The following GIGYF2 variants were observed in gnomAD, a reference collection of about 807,000 sequenced individuals.
GIGYF2 encodes GRB10-interacting GYF protein 2.
A neutral mutation model predicts 208.1 loss-of-function variants in GIGYF2; 25 were observed. The observed-to-expected ratio is 0.12, with a 90% CI of 0.09 to 0.17. GIGYF2 has a LOEUF of 0.17. Among genes scored for constraint, GIGYF2 ranks in the 10% least tolerant of loss-of-function variants. The pLI is 1.00. For missense variants in GIGYF2, 1,302 were observed against 1,579.4 expected (o/e 0.82, Z 2.98); for synonymous variants, 534 against 543.8 (o/e 0.98, Z 0.25).
chr2:232,843,181 G>GTGTATGTA (rs1553538114), intron 23 of GIGYF2: 1 of 146,390 alleles, frequency 6.8e-6, no homozygotes, highest in African/African-American at 2.5e-5. Context: ...GTGTGTGTGT[G>GTGTATGTA]TATAATCTGT....
intron 21 of GIGYF2, among the ~76,000 whole-genome samples, chr2:232,821,778 C>T (rs186807772): frequency 3.3e-5 from 5 of 151,744 alleles, no homozygotes; most frequent in African/African-American, 1.2e-4. Context: ...TAAAATATCT[C>T]CTGTATTTTT....
chr2:232,779,296 A>G (rs1423823146), intron 8 of GIGYF2, among the ~76,000 whole-genome samples: 1 of 152,222 alleles, frequency 6.6e-6, no homozygotes, highest in Non-Finnish European at 1.5e-5. Context: ...TAATGATTAA[A>G]TTAAACAAGG....
intron 8 of GIGYF2, among the ~76,000 whole-genome samples, chr2:232,761,847 CT>C (rs775990180): frequency 0.013 from 1,864 of 138,430 alleles, 41 homozygotes; most frequent in African/African-American, 0.044. Context: ...CTGTATAGTC[CT>C]TTTTTTTTTT....
Position 232,767,874 on chromosome 2 carries a change from T to G in GIGYF2, c.532+6438T>G. 9.1e-6 allele frequency: 3 copies of G among 329,940 alleles called. No individual in the cohort carries two copies. In the South Asian group the frequency reaches 9.3e-5, roughly 10 times the overall value. 20.4% of individuals were successfully genotyped at this position (329,940 alleles called of 1,614,324 possible). A position where few individuals can be genotyped will look rare whatever the true frequency, so the allele number is the denominator to read the frequency against. ...TTGATTTTCTTAGAGTTCAGTTGTGTTAAACTTCACTGTCCATTTTGCCTT... is the reference window on the plus strand; with the variant it reads ...TTGATTTTCTTAGAGTTCAGTTGTGGTAAACTTCACTGTCCATTTTGCCTT... On this transcript the variant is annotated intron_variant, in intron 8 of 28. Transcript: ENST00000373563.
At chr2:232,786,333 G>A (rs1699907030) in intron 8 of GIGYF2, among the ~76,000 whole-genome samples, 1 of 152,164 alleles carries the variant, frequency 6.6e-6, no homozygotes, top group African/African-American at 2.4e-5. Flanking sequence ...CGCCTCCTGG[G>A]TTCAAGCCAT....
intron 8 of GIGYF2, among the ~76,000 whole-genome samples, chr2:232,762,999 A>G (rs989999898): frequency 3.9e-5 from 6 of 152,042 alleles, no homozygotes; most frequent in Non-Finnish European, 8.8e-5. Flanking sequence ...TCTCTAGCCC[A>G]GGTGACAGAG....
chr2:232,826,104 T>C (rs1294853021), intron 21 of GIGYF2, among the ~76,000 whole-genome samples: 3 of 152,198 alleles, frequency 2.0e-5, no homozygotes, highest in Non-Finnish European at 2.9e-5. Flanking sequence ...CAGTCTATCA[T>C]TGATGGACAT....
rs562100861 is a variant in GIGYF2 at position 232,775,682 on chromosome 2, C to A, written c.533-11468C>A. On this transcript the variant is annotated intron_variant, in intron 8 of 28. Coordinates refer to ENST00000373563, the MANE Select transcript of GIGYF2 (RefSeq NM_001103146.3). ...GGCAGCTTCACTGATCATCAGAATT[C>A]ATTCTACTCATTGGGTTGTAGCACT... is the stretch of plus-strand genomic sequence containing the variant. Among the ~76,000 whole-genome samples the A allele has an allele frequency of 4.9e-4, 74 of 152,284 alleles. No homozygotes were observed. In the South Asian group the frequency reaches 6.8e-3, roughly 14 times the overall value.
At chr2:232,837,955 A>G (rs1402337837) in intron 22 of GIGYF2, among the ~76,000 whole-genome samples, 1 of 152,198 alleles carries the variant, frequency 6.6e-6, no homozygotes, top group East Asian at 1.9e-4. Context: ...GACATTAGGC[A>G]TTCGGGGGTC....
At position 232,847,403 on chromosome 2, in the gene GIGYF2, T is replaced by G. The variant is rs1178605837; in HGVS notation, c.3516T>G (p.Asp1172Glu). 6.2e-7 allele frequency: 1 copy of G among 1,613,112 alleles called. No individual in the cohort carries two copies. The highest frequency in any genetic ancestry group is 1.3e-5 in the African/African-American group (1 of 74,998). Reference protein sequence around the residue: ...KEVESPYEVHDYIRAYLGDTS... With the variant: ...KEVESPYEVHEYIRAYLGDTS... ...TAGAATCTCCTTATGAGGTCCATGA[T>G]TATATCAGGGCCTATTTAGGAGATA... The change falls in exon 27 of 29, where the codon GAT (aspartate) becomes GAG (glutamate). Residue 1172 changes from aspartate to glutamate, a missense_variant. Around this residue, in one of 8 missense-constraint regions of GIGYF2, gnomAD observed 701 missense variants for 793.0 expected, o/e 0.88. Coordinates refer to ENST00000373563, the MANE Select transcript of GIGYF2 (RefSeq NM_001103146.3).
At chr2:232,842,129 C>T (rs1327345141) in intron 23 of GIGYF2, among the ~76,000 whole-genome samples, 1 of 152,148 alleles carries the variant, frequency 6.6e-6, no homozygotes, top group African/African-American at 2.4e-5. Context: ...CATGGGCCAC[C>T]ACGCCCTACC....
At chr2:232,789,627 C>T (rs564107725) in intron 9 of GIGYF2, among the ~76,000 whole-genome samples, 1 of 151,838 alleles carries the variant, frequency 6.6e-6, no homozygotes, top group South Asian at 2.1e-4. Flanking sequence ...AACGTTTTGC[C>T]CTTTGTTTTC....
chr2:232,797,526 T>TGTGTGTGTG (rs1553614943), intron 14 of GIGYF2, among the ~76,000 whole-genome samples: 2 of 150,648 alleles, frequency 1.3e-5, no homozygotes, highest in African/African-American at 4.9e-5. Context: ...TGTGTGTGTG[T>TGTGTGTGTG]TTTAACCAAA....
intron 12 of GIGYF2, among the ~76,000 whole-genome samples, chr2:232,794,421 T>C (rs1418898401): frequency 6.6e-6 from 1 of 152,224 alleles, no homozygotes; most frequent in Non-Finnish European, 1.5e-5. Context: ...ACTTTTACAA[T>C]TGGAGACATG....
At chr2:232,829,278 T>G (rs2106405469) in intron 21 of GIGYF2, among the ~76,000 whole-genome samples, 1 of 152,344 alleles carries the variant, frequency 6.6e-6, no homozygotes, top group South Asian at 2.1e-4. Flanking sequence ...ATTGTATTCC[T>G]TGTCTTAAAG....
chr2:232,746,856 G>A (rs1270652384), intron 3 of GIGYF2, among the ~76,000 whole-genome samples: 6 of 152,070 alleles, frequency 3.9e-5, no homozygotes, highest in East Asian at 1.9e-4. Context: ...TCATTGGCAA[G>A]CTACAAAAAT....
Position 232,790,983 on chromosome 2 carries a change from CTTTGG to C in GIGYF2, c.931-21_931-17del. On this transcript the variant is annotated intron_variant, in intron 10 of 28. Transcript: ENST00000373563. ...TACCAAAGCCAAATCTGCTGTTGAT[CTTTGG>C]TTTTATTCTCTTTCTACAGAAAGTA... is the stretch of plus-strand genomic sequence containing the variant. The C allele has an allele frequency of 6.2e-7, 1 of 1,613,486 alleles. No homozygotes were observed. Among genetic ancestry groups the C allele is most frequent in the Non-Finnish European group, 8.5e-7 (1 of 1,179,440 alleles).
intron 23 of GIGYF2, among the ~76,000 whole-genome samples, chr2:232,842,281 C>G (rs1701843831): frequency 6.6e-6 from 1 of 152,176 alleles, no homozygotes; most frequent in African/African-American, 2.4e-5. Context: ...ACCTTGAACT[C>G]CTGAGCTCAA....
At chr2:232,782,209 A>C (rs572494019) in intron 8 of GIGYF2, among the ~76,000 whole-genome samples, 2 of 151,868 alleles carry the variant, frequency 1.3e-5, no homozygotes, top group Non-Finnish European at 2.9e-5. Flanking sequence ...CTTTTTAAAA[A>C]ATTTTTTTTT....
Sources: allele counts gnomAD v4.1 joint callset (sites outside exome capture counted in the v4.1 genomes callset), GRCh38; gene constraint gnomAD v4.1.1; regional missense constraint gnomAD v4.1.1; transcripts MANE v1.5; gene names NCBI Gene and HGNC (gene_info 2026-07-23, HGNC 2026-07-21).